Variants in SOWAHB observed in about 807,000 individuals in gnomAD.
The protein encoded by SOWAHB is ankyrin repeat domain-containing protein SOWAHB.
Under a neutral mutation model 18.3 loss-of-function variants are expected in SOWAHB, and 17 were observed. The ratio of observed to expected loss-of-function variants is 0.93; its 90% confidence interval spans 0.64 to 1.40. The LOEUF (loss-of-function observed/expected upper bound fraction) is 1.40. SOWAHB is among the 40% of genes most tolerant of loss of function. The probability of loss-of-function intolerance (pLI) is 0.00; values close to 1 mark genes in which losing one functional copy is unlikely to be tolerated. For synonymous variants in SOWAHB, 496 were observed against 448.1 expected (o/e 1.11, Z -1.35); for missense variants, 1,126 against 1,033.7 (o/e 1.09, Z -1.22).
Position 76,897,516 on chromosome 4 carries a change from G to A in SOWAHB, c.334C>T (p.Arg112Trp). Residue 112 changes from arginine (R) to tryptophan (W), a missense_variant, in exon 1 of 1, where the codon CGG becomes TGG. By Grantham distance (101) the Arg-to-Trp change is moderately radical. Transcript: ENST00000334306. The surrounding 1 kb of genome is among the most constrained non-coding windows in gnomAD (Gnocchi z 6.4). The stretch of plus-strand genomic sequence containing the variant: ...GGCTGCTGCTGGGGCGGCTCCCCCC[G>A]GCGCGCGCCTCGCGGGGAGCAGGGC... ...AAPCSPRGAR[R>W]GEPPQQQPRR... 3 of 1,418,504 alleles carry A rather than the reference G, an allele frequency of 2.1e-6. No homozygotes were observed. Among genetic ancestry groups the A allele is most frequent in the South Asian group, 1.5e-5 (1 of 65,168 alleles). The allele number at this position is 1,418,504 out of a possible 1,614,324, so 87.9% of individuals were successfully genotyped here. A position where few individuals can be genotyped will look rare whatever the true frequency, so the allele number is the denominator to read the frequency against.
At position 76,897,508 on chromosome 4, in the gene SOWAHB, CT is replaced by C; in HGVS notation, c.341del (p.Glu114GlyfsTer133). ...PCSPRGARRG[E>X]PPQQQPRRRR... ...GCCGCCTGGGCTGCTGCTGGGGCGG[CT>C]CCCCCCGGCGCGCGCCTCGCGGGGA... On this transcript the variant is annotated frameshift_variant, in exon 1 of 1. Coordinates refer to ENST00000334306, the MANE Select transcript of SOWAHB (RefSeq NM_001029870.3). LOFTEE classifies it low-confidence loss of function (END_TRUNC). The surrounding 1 kb of genome is among the most constrained non-coding windows in gnomAD (Gnocchi z 6.4). The C allele has an allele frequency of 7.0e-7, 1 of 1,427,290 alleles. No individual in the cohort carries two copies. Among genetic ancestry groups the C allele is most frequent in the Non-Finnish European group, 9.1e-7 (1 of 1,100,748 alleles). 88.4% of individuals were successfully genotyped at this position (1,427,290 alleles called of 1,614,324 possible).
At position 76,895,385 on chromosome 4, in the gene SOWAHB, C is replaced by T. The variant is rs1372786972; in HGVS notation, c.*83G>A. The T allele has an allele frequency of 1.5e-6, 2 of 1,355,604 alleles. No individual in the cohort carries two copies. The highest frequency in any genetic ancestry group is 1.5e-5 in the African/African-American group (1 of 68,440). The allele number at this position is 1,355,604 out of a possible 1,614,324, so 84.0% of individuals were successfully genotyped here. On this transcript the variant is annotated 3_prime_UTR_variant, in exon 1 of 1. Transcript: ENST00000334306. ...CTCGACCATCCTCTTTACCAACTCT[C>T]AGCAGCTTTTCTATTCCCCCTGAAT... is the stretch of plus-strand genomic sequence containing the variant.
Position 76,897,388 on chromosome 4 carries a change from A to C in SOWAHB, c.462T>G (p.Arg154=). ...ACNGLPGSDS[R]RAPGKGGGSK... ...ATCCGCCGCCCTTCCCGGGCGCCCT[A>C]CGGGAGTCGCTGCCCGGGAGTCCAT... is the stretch of plus-strand genomic sequence containing the variant. The change falls in exon 1 of 1, where the codon CGT becomes CGG. Residue 154 remains arginine (R), a synonymous_variant. Coordinates refer to ENST00000334306, the MANE Select transcript of SOWAHB (RefSeq NM_001029870.3). This position sits in a 1 kb window ranked among gnomAD's most constrained non-coding sequence, Gnocchi z 6.4. 4 of 1,527,610 alleles carry C rather than the reference A, an allele frequency of 2.6e-6. No homozygotes were observed. Among genetic ancestry groups the C allele is most frequent in the Non-Finnish European group, 3.5e-6 (4 of 1,144,162 alleles). 94.6% of individuals were successfully genotyped at this position (1,527,610 alleles called of 1,614,324 possible).
At position 76,897,077 on chromosome 4, in the gene SOWAHB, G is replaced by C; in HGVS notation, c.773C>G (p.Ser258Trp). 6.5e-7 allele frequency: 1 copy of C among 1,537,920 alleles called. No homozygotes were observed. The highest frequency in any genetic ancestry group is 1.2e-5 in the South Asian group (1 of 84,396). ...EPAPVPAVAH[S>W]PPATVEAATS... ...CGCAGCCTCGACGGTGGCGGGAGGC[G>C]AGTGAGCCACTGCAGGCACAGGCGC... The change falls in exon 1 of 1, where the codon TCG becomes TGG. Residue 258 changes from serine (S) to tryptophan (W), a missense_variant. By Grantham distance (177) the Ser-to-Trp change is radical. Transcript: ENST00000334306. The surrounding 1 kb of genome is among the most constrained non-coding windows in gnomAD (Gnocchi z 6.4).
Position 76,897,352 on chromosome 4 carries a change from A to G in SOWAHB, c.498T>C (p.Ser166=), listed in dbSNP as rs2109845611. 3 of 1,533,658 alleles carry G rather than the reference A, an allele frequency of 2.0e-6. No individual in the cohort carries two copies. The highest frequency in any genetic ancestry group is 2.6e-6 in the Non-Finnish European group (3 of 1,146,790). Reference sequence around the variant, plus strand: ...CGGGCACCGGCGGCCTCTGTCCGGGACTGCCCTTCGATCCGCCGCCCTTCC... The same window carrying G: ...CGGGCACCGGCGGCCTCTGTCCGGGGCTGCCCTTCGATCCGCCGCCCTTCC... ...APGKGGGSKG[S]PGQRPPVPAA... is the part of the protein sequence containing the mutation. The change falls in exon 1 of 1, where the codon AGT becomes AGC. Residue 166 remains serine, a synonymous_variant. Coordinates refer to ENST00000334306, the MANE Select transcript of SOWAHB (RefSeq NM_001029870.3). This position sits in a 1 kb window ranked among gnomAD's most constrained non-coding sequence, Gnocchi z 6.4.
Position 76,897,124 on chromosome 4 carries a change from T to G in SOWAHB, c.726A>C (p.Glu242Asp). ...QDDRGASREREEGALAEPAPV... is the reference protein window; with the variant it reads ...QDDRGASRERDEGALAEPAPV... ...GCGCCGGCTCAGCTAGCGCGCCTTC[T>G]TCCCGCTCCCTGGAAGCCCCGCGGT... Residue 242 changes from glutamate to aspartate, a missense_variant, in exon 1 of 1, where the codon GAA (glutamate) becomes GAC (aspartate). Physicochemically the swap from Glu to Asp is conservative, Grantham distance 45 (BLOSUM62 2). Transcript: ENST00000334306. This position sits in a 1 kb window ranked among gnomAD's most constrained non-coding sequence, Gnocchi z 6.4. 1.3e-6 allele frequency: 2 copies of G among 1,540,768 alleles called. No individual in the cohort carries two copies. The highest frequency in any genetic ancestry group is 1.7e-6 in the Non-Finnish European group (2 of 1,149,384).
chr4:76,895,809 C>A lies in SOWAHB; in HGVS notation c.2041G>T (p.Gly681Cys). 6.2e-7 allele frequency: 1 copy of A among 1,614,210 alleles called. No homozygotes were observed. Among genetic ancestry groups the A allele is most frequent in the Non-Finnish European group, 8.5e-7 (1 of 1,180,048 alleles). ...AGCAATTTGATGACCCCCTGGTGGCCGTGAATGGCTGCAAGGTGCAGCGGG... is the reference window on the plus strand; with the variant it reads ...AGCAATTTGATGACCCCCTGGTGGCAGTGAATGGCTGCAAGGTGCAGCGGG... ...YTPLHLAAIH[G>C]HQGVIKLLVQ... Residue 681 changes from glycine (G) to cysteine (C), a missense_variant, in exon 1 of 1, where the codon GGC becomes TGC. By Grantham distance (159) the Gly-to-Cys change is radical (BLOSUM62 -3). Coordinates refer to ENST00000334306, the MANE Select transcript of SOWAHB (RefSeq NM_001029870.3).
In SOWAHB at chr4:76,896,429, G is replaced by T; in HGVS notation, c.1421C>A (p.Ala474Asp). The T allele has an allele frequency of 6.2e-7, 1 of 1,609,142 alleles. No homozygotes were observed. ...CAGGGGGTGGCCTGCAAGGCCATTAGCCCCTGCAGGGACCTGCTGAGAGAT... is the reference window on the plus strand; with the variant it reads ...CAGGGGGTGGCCTGCAAGGCCATTATCCCCTGCAGGGACCTGCTGAGAGAT... ...GHISQQVPAG[A>D]NGLAGHPLKP... The change falls in exon 1 of 1, where the codon GCT becomes GAT. Residue 474 changes from alanine to aspartate, a missense_variant. Transcript: ENST00000334306.
At position 76,895,592 on chromosome 4, in the gene SOWAHB, G is replaced by T; in HGVS notation, c.2258C>A (p.Ser753Tyr). Residue 753 changes from serine to tyrosine, a missense_variant, in exon 1 of 1, where the codon TCT (serine) becomes TAT (tyrosine). Coordinates refer to ENST00000334306, the MANE Select transcript of SOWAHB (RefSeq NM_001029870.3). Reference protein sequence around the residue: ...PTRKAKSKEISRSVTRKTSFA... With the variant: ...PTRKAKSKEIYRSVTRKTSFA... ...GGAAGTTTTTCGGGTGACACTTCTA[G>T]ATATTTCCTTGCTCTTGGCCTTTCT... 1 of 1,614,224 alleles carries T rather than the reference G, an allele frequency of 6.2e-7. No homozygotes were observed. The highest frequency in any genetic ancestry group is 1.1e-5 in the South Asian group (1 of 91,086).
Position 76,897,180 on chromosome 4 carries a change from TCTC to T in SOWAHB, c.667_669del (p.Glu223del), listed in dbSNP as rs753847680. On this transcript the variant is annotated inframe_deletion, in exon 1 of 1. Coordinates refer to ENST00000334306, the MANE Select transcript of SOWAHB (RefSeq NM_001029870.3). The surrounding 1 kb of genome is among the most constrained non-coding windows in gnomAD (Gnocchi z 6.4). Reference sequence around the variant, plus strand: ...TGGGCAGGCAGAGCCCGTGCCGGCTTCTCCTCCGCGGTGGCCGAGTGCGGGAGT... The same window carrying T: ...TGGGCAGGCAGAGCCCGTGCCGGCTTCTCCGCGGTGGCCGAGTGCGGGAGT... The T allele has an allele frequency of 1.5e-5, 24 of 1,573,654 alleles. No homozygotes were observed. The African/African-American group carries it at 1.9e-4, about 12-fold the overall frequency.
rs1216917428 is a variant in SOWAHB at position 76,894,517 on chromosome 4, G to A, written c.*951C>T. Among the ~76,000 whole-genome samples the A allele has an allele frequency of 1.3e-5, 2 of 152,170 alleles. No homozygotes were observed. The highest frequency in any genetic ancestry group is 4.8e-5 in the African/African-American group (2 of 41,456). ...TATATTTAGCGGCTTAGATAGTCCT[G>A]GTAAGGATGCATTCTCTTAACCCTT... On this transcript the variant is annotated 3_prime_UTR_variant, in exon 1 of 1. Transcript: ENST00000334306.
At position 76,897,529 on chromosome 4, in the gene SOWAHB, C is replaced by T; in HGVS notation, c.321G>A (p.Pro107=). The part of the protein sequence containing the change: ...PSAGGAAPCS[P]RGARRGEPPQ... ...GCGGCTCCCCCCGGCGCGCGCCTCG[C>T]GGGGAGCAGGGCGCAGCTCCCCCTG... Residue 107 remains proline, a synonymous_variant, in exon 1 of 1, where the codon CCG becomes CCA. Coordinates refer to ENST00000334306, the MANE Select transcript of SOWAHB (RefSeq NM_001029870.3). The surrounding 1 kb of genome is among the most constrained non-coding windows in gnomAD (Gnocchi z 6.4). The T allele has an allele frequency of 7.0e-7, 1 of 1,420,426 alleles. No individual in the cohort carries two copies. The highest frequency in any genetic ancestry group is 9.1e-7 in the Non-Finnish European group (1 of 1,099,166). 88.0% of individuals were successfully genotyped at this position (1,420,426 alleles called of 1,614,324 possible). A position where few individuals can be genotyped will look rare whatever the true frequency, so the allele number is the denominator to read the frequency against.
At position 76,897,488 on chromosome 4, in the gene SOWAHB, CT is replaced by C; in HGVS notation, c.361del (p.Arg121GlyfsTer126). 6.8e-7 allele frequency: 1 copy of C among 1,474,352 alleles called. No homozygotes were observed. Among genetic ancestry groups the C allele is most frequent in the Non-Finnish European group, 8.9e-7 (1 of 1,120,196 alleles). 91.3% of individuals were successfully genotyped at this position (1,474,352 alleles called of 1,614,324 possible). ...RRGEPPQQQP[R>X]RRRREKEPEE... is the part of the protein sequence containing the mutation. The stretch of plus-strand genomic sequence containing the variant: ...CGGCTCCTTCTCGCGCCGCCGCCGC[CT>C]GGGCTGCTGCTGGGGCGGCTCCCCC... On this transcript the variant is annotated frameshift_variant, in exon 1 of 1. Transcript: ENST00000334306. LOFTEE classifies it low-confidence loss of function (END_TRUNC). The surrounding 1 kb of genome is among the most constrained non-coding windows in gnomAD (Gnocchi z 6.4).
chr4:76,897,379 G>T lies in SOWAHB; in HGVS notation c.471C>A (p.Pro157=). 1 of 1,529,130 alleles carries T rather than the reference G, an allele frequency of 6.5e-7. No individual in the cohort carries two copies. Among genetic ancestry groups the T allele is most frequent in the South Asian group, 1.2e-5 (1 of 83,446 alleles). The allele number at this position is 1,529,130 out of a possible 1,614,324, so 94.7% of individuals were successfully genotyped here. A position where few individuals can be genotyped will look rare whatever the true frequency, so the allele number is the denominator to read the frequency against. ...GLPGSDSRRA[P]GKGGGSKGSP... The stretch of plus-strand genomic sequence containing the variant: ...TGCCCTTCGATCCGCCGCCCTTCCC[G>T]GGCGCCCTACGGGAGTCGCTGCCCG... Residue 157 remains proline (P), a synonymous_variant, in exon 1 of 1, where the codon CCC becomes CCA. Coordinates refer to ENST00000334306, the MANE Select transcript of SOWAHB (RefSeq NM_001029870.3). The surrounding 1 kb of genome is among the most constrained non-coding windows in gnomAD (Gnocchi z 6.4).
chr4:76,897,558 T>TG lies in SOWAHB; in HGVS notation c.291dup (p.Ser98GlnfsTer58). ...GAGCAGGGCGCAGCTCCCCCTGCAC[T>TG]GGGGGCGGCCGCGGGCGGCTCGCGG... On this transcript the variant is annotated frameshift_variant, in exon 1 of 1. Transcript: ENST00000334306. LOFTEE classifies it low-confidence loss of function (END_TRUNC). The surrounding 1 kb of genome is among the most constrained non-coding windows in gnomAD (Gnocchi z 6.4). 6.3e-7 allele frequency: 1 copy of TG among 1,578,948 alleles called. No individual in the cohort carries two copies. The highest frequency in any genetic ancestry group is 8.6e-7 in the Non-Finnish European group (1 of 1,167,806).
rs1363827257 is a variant in SOWAHB at position 76,896,909 on chromosome 4, G to A, written c.941C>T (p.Pro314Leu). ...CTGATCACGGGCCTCGGGCACCTGCGGGTGCCTGGCCACCCACTCTCGAGT... is the reference window on the plus strand; with the variant it reads ...CTGATCACGGGCCTCGGGCACCTGCAGGTGCCTGGCCACCCACTCTCGAGT... ...QRTREWVARH[P>L]QVPEARDQGP... is the part of the protein sequence containing the mutation. Residue 314 changes from proline to leucine, a missense_variant, in exon 1 of 1, where the codon CCG (proline) becomes CTG (leucine). By Grantham distance (98) the Pro-to-Leu change is moderately conservative. Transcript: ENST00000334306. 1.2e-6 allele frequency: 2 copies of A among 1,611,760 alleles called. No homozygotes were observed. The highest frequency in any genetic ancestry group is 2.2e-5 in the East Asian group (1 of 44,828).
In SOWAHB at chr4:76,897,038, G is replaced by A. The variant is rs1411127228; in HGVS notation, c.812C>T (p.Ser271Phe). The A allele has an allele frequency of 6.5e-7, 1 of 1,547,422 alleles. No homozygotes were observed. Among genetic ancestry groups the A allele is most frequent in the East Asian group, 2.4e-5 (1 of 41,938 alleles). ...GGGGCCGGGCAGGAGAGCAGGCGGGGAAGCCCTGCTTGTCGCAGCCTCGAC... is the reference window on the plus strand; with the variant it reads ...GGGGCCGGGCAGGAGAGCAGGCGGGAAAGCCCTGCTTGTCGCAGCCTCGAC... Reference protein sequence around the residue: ...ATVEAATSRASPPALLPGPAP... With the variant: ...ATVEAATSRAFPPALLPGPAP... The change falls in exon 1 of 1, where the codon TCC becomes TTC. Residue 271 changes from serine (S) to phenylalanine (F), a missense_variant. Ser to Phe is a radical substitution (Grantham distance 155, BLOSUM62 -2). Transcript: ENST00000334306. The surrounding 1 kb of genome is among the most constrained non-coding windows in gnomAD (Gnocchi z 6.4).
chr4:76,897,345 G>T lies in SOWAHB; in HGVS notation c.505C>A (p.Gln169Lys). 1 of 1,535,342 alleles carries T rather than the reference G, an allele frequency of 6.5e-7. No individual in the cohort carries two copies. Among genetic ancestry groups the T allele is most frequent in the Non-Finnish European group, 8.7e-7 (1 of 1,147,364 alleles). The change falls in exon 1 of 1, where the codon CAG becomes AAG. Residue 169 changes from glutamine (Q) to lysine (K), a missense_variant. Transcript: ENST00000334306. This position sits in a 1 kb window ranked among gnomAD's most constrained non-coding sequence, Gnocchi z 6.4. ...GCAGCTGCGGGCACCGGCGGCCTCT[G>T]TCCGGGACTGCCCTTCGATCCGCCG... is the stretch of plus-strand genomic sequence containing the variant. ...KGGGSKGSPG[Q>K]RPPVPAAAAA...
In SOWAHB at chr4:76,895,520, T is replaced by A; in HGVS notation, c.2330A>T (p.Asn777Ile). ...KSQHNKWKLA[N>I]QYEKFHSPRE... ...TGGACTGTGGAATTTCTCATACTGG[T>A]TGGCCAGTTTCCACTTGTTGTGCTG... The change falls in exon 1 of 1, where the codon AAC becomes ATC. Residue 777 changes from asparagine (N) to isoleucine (I), a missense_variant. Coordinates refer to ENST00000334306, the MANE Select transcript of SOWAHB (RefSeq NM_001029870.3). 6.2e-7 allele frequency: 1 copy of A among 1,613,964 alleles called. No homozygotes were observed. Among genetic ancestry groups the A allele is most frequent in the Non-Finnish European group, 8.5e-7 (1 of 1,179,932 alleles).
Sources: gnomAD v4.1 joint callset for allele counts (sites outside exome capture counted in the v4.1 genomes callset) on GRCh38, gnomAD v4.1.1 for gene constraint, Gnocchi (gnomAD v3.1) non-coding constraint, MANE v1.5 for transcripts, NCBI Gene and HGNC (gene_info 2026-07-23, HGNC 2026-07-21) for gene names.